PAK1: variants seen among roughly 807,000 people sequenced by gnomAD.
PAK1 encodes the protein serine/threonine-protein kinase PAK 1.
Under a neutral mutation model 67.4 loss-of-function variants are expected in PAK1, and 29 were observed. The observed-to-expected ratio is 0.43, with a 90% CI of 0.32 to 0.59. The LOEUF is 0.59. Among genes scored for constraint, PAK1 ranks in the 20% least tolerant of loss-of-function variants. The pLI is 0.07. For synonymous variants in PAK1, 223 were observed against 237.4 expected, an observed-to-expected ratio of 0.94 and a Z score of 0.56; for missense variants, 337 against 670.7, an observed-to-expected ratio of 0.50 and a Z score of 5.50.
At chr11:77,348,873 T>C (rs1047046325) in intron 9 of PAK1, among the ~76,000 whole-genome samples, 10 of 152,072 alleles carry the variant, frequency 6.6e-5, no homozygotes, top group Non-Finnish European at 1.3e-4. Context: ...CCTGTAATCC[T>C]AGCCCTTTGG....
chr11:77,334,634 C>G (rs1033710888), intron 13 of PAK1, among the ~76,000 whole-genome samples: 178 of 152,124 alleles, frequency 1.2e-3, no homozygotes, highest in African/African-American at 4.2e-3. Context: ...AGTACTTGAT[C>G]GAACCCCTCT....
chr11:77,332,656 T>C, intron 14 of PAK1, 74 bp downstream of exon 14: 3 of 1,242,098 alleles, frequency 2.4e-6, no homozygotes, highest in Non-Finnish European at 3.5e-6. Flanking sequence ...TCCAGTACCT[T>C]ACAAACATGA....
chr11:77,460,505 A>G (rs1312637392), intron 1 of PAK1, among the ~76,000 whole-genome samples: 1 of 151,850 alleles, frequency 6.6e-6, no homozygotes, highest in African/African-American at 2.4e-5. Context: ...TTTGAAGGAA[A>G]GCAGAGATAG....
chr11:77,454,000 G>C (rs568036871), intron 1 of PAK1, among the ~76,000 whole-genome samples: 1 of 152,278 alleles, frequency 6.6e-6, no homozygotes, highest in African/African-American at 2.4e-5. Flanking sequence ...GGAGGTTGAA[G>C]CTGCAGTGAA....
At chr11:77,384,223 T>C (rs1950181981) in intron 2 of PAK1, among the ~76,000 whole-genome samples, 1 of 152,154 alleles carries the variant, frequency 6.6e-6, no homozygotes, top group African/African-American at 2.4e-5. Context: ...CCAAATTTCA[T>C]AAACTCTTAC....
At chr11:77,433,390 G>C in intron 1 of PAK1, among the ~76,000 whole-genome samples, 1 of 152,086 alleles carries the variant, frequency 6.6e-6, no homozygotes, top group East Asian at 1.9e-4. Context: ...CATCAAGAAA[G>C]CAAAAAGACA....
the PAK1 span, among the ~76,000 whole-genome samples, chr11:77,496,088 G>A: frequency 3.3e-5 from 5 of 150,388 alleles, no homozygotes; most frequent in South Asian, 2.1e-4. Flanking sequence ...GCACCATCTC[G>A]GCTCACTGCA....
chr11:77,335,711 GAATAA>G (rs1215642259), intron 13 of PAK1, among the ~76,000 whole-genome samples: 1 of 152,148 alleles, frequency 6.6e-6, no homozygotes, highest in Non-Finnish European at 1.5e-5. Context: ...CAACTCTGCA[GAATAA>G]AATAACTTAT....
chr11:77,376,305 C>T (rs943646517), intron 4 of PAK1, among the ~76,000 whole-genome samples: 1 of 152,160 alleles, frequency 6.6e-6, no homozygotes, highest in South Asian at 2.1e-4. Flanking sequence ...TTTCATTTTA[C>T]AGATGAGCAA....
At chr11:77,515,132 A>G in the PAK1 span, among the ~76,000 whole-genome samples, 44 of 152,364 alleles carry the variant, frequency 2.9e-4, no homozygotes, top group Non-Finnish European at 4.6e-4. Context: ...TAATAGCTCA[A>G]CTTCTTTTTA....
the PAK1 span, among the ~76,000 whole-genome samples, chr11:77,513,698 G>C: frequency 3.1e-5 from 3 of 98,136 alleles, no homozygotes; most frequent in Non-Finnish European, 5.9e-5. Context: ...AAAAAAAAAA[G>C]CATTTCTACT....
At chr11:77,452,132 C>T (rs1331179659) in intron 1 of PAK1, among the ~76,000 whole-genome samples, 3 of 152,316 alleles carry the variant, frequency 2.0e-5, no homozygotes, top group South Asian at 4.1e-4. Flanking sequence ...AAATTGGCCA[C>T]GTCCACTTTA....
At chr11:77,325,468 G>A (rs1407159763) in intron 14 of PAK1, 1 of 1,311,548 alleles carries the variant, frequency 7.6e-7, no homozygotes. Context: ...AAAGTGTTTA[G>A]TGCCTAAAAT....
At chr11:77,370,121 G>A (rs1399166068) in intron 5 of PAK1, among the ~76,000 whole-genome samples, 2 of 152,146 alleles carry the variant, frequency 1.3e-5, no homozygotes, top group Non-Finnish European at 2.9e-5. Context: ...ATAGATAGAT[G>A]GTTATTGGCA....
intron 1 of PAK1, among the ~76,000 whole-genome samples, chr11:77,449,834 T>C (rs747162549): frequency 6.6e-6 from 1 of 152,162 alleles, no homozygotes; most frequent in African/African-American, 2.4e-5. Context: ...ATATTCAATT[T>C]TTTAAAAATT....
chr11:77,401,299 C>CA (rs2137708573), intron 1 of PAK1, among the ~76,000 whole-genome samples: 1 of 152,208 alleles, frequency 6.6e-6, no homozygotes, highest in South Asian at 2.1e-4. Flanking sequence ...TCTAACATGT[C>CA]AAAGATACTC....
the PAK1 span, among the ~76,000 whole-genome samples, chr11:77,484,143 T>C: frequency 7.6e-5 from 11 of 144,846 alleles, no homozygotes; most frequent in African/African-American, 2.3e-4. Context: ...AGCATTAGTA[T>C]AGAGAAAACC....
the PAK1 span, among the ~76,000 whole-genome samples, chr11:77,517,464 G>T: frequency 6.6e-6 from 1 of 152,176 alleles, no homozygotes; most frequent in Non-Finnish European, 1.5e-5. Context: ...AAGGGATGCT[G>T]AGCAGGCAAA....
At chr11:77,344,800 C>T (rs1944154936) in intron 9 of PAK1, among the ~76,000 whole-genome samples, 1 of 152,192 alleles carries the variant, frequency 6.6e-6, no homozygotes, top group Non-Finnish European at 1.5e-5. Context: ...ATTTGATAAC[C>T]TTGTTCAAAA....
Sources: gnomAD v4.1 joint callset for allele counts (sites outside exome capture counted in the v4.1 genomes callset) on GRCh38, gnomAD v4.1.1 for gene constraint, MANE v1.5 for transcripts, NCBI Gene and HGNC (gene_info 2026-07-23, HGNC 2026-07-21) for gene names.